Variants in CSMD3 observed in about 807,000 individuals in gnomAD.
The protein encoded by CSMD3 is CUB and Sushi multiple domains 3, also known as CUB and sushi domain-containing protein 3.
A neutral mutation model predicts 435.2 loss-of-function variants in CSMD3; 177 were observed. That is an observed-to-expected ratio of 0.41 (90% confidence interval 0.36 to 0.46). The LOEUF (loss-of-function observed/expected upper bound fraction) is 0.46. Among genes scored for constraint, CSMD3 ranks in the 20% least tolerant of loss-of-function variants. The pLI, the probability that CSMD3 is intolerant of heterozygous loss-of-function variation, is 0.34. For synonymous variants in CSMD3, 1,656 were observed against 1,520.5 expected, an observed-to-expected ratio of 1.09 and a Z score of -2.07; for missense variants, 4,265 against 4,504.6, an observed-to-expected ratio of 0.95 and a Z score of 1.52.
chr8:113,201,691 C>T (rs2092717560), intron 3 of CSMD3, among the ~76,000 whole-genome samples: 1 of 151,934 alleles, frequency 6.6e-6, no homozygotes, highest in Non-Finnish European at 1.5e-5. Context: ...TGTGCAGAGA[C>T]AGCATGTGAC....
rs548816995 is a variant in CSMD3 at position 112,757,351 on chromosome 8, T to C, written c.1972+42811A>G. ...TTGTTACTTCAAGTGCAAATAATTATTGTGACGATGTTATATGTGCATATA... is the reference window on the plus strand; with the variant it reads ...TTGTTACTTCAAGTGCAAATAATTACTGTGACGATGTTATATGTGCATATA... On this transcript the variant is annotated intron_variant, in intron 13 of 70. Coordinates refer to ENST00000297405, the MANE Select transcript of CSMD3 (RefSeq NM_198123.2). 2.0e-5 allele frequency among the ~76,000 whole-genome samples: 3 copies of C among 152,148 alleles called. No individual in the cohort carries two copies. In the South Asian group the frequency reaches 6.2e-4, roughly 32 times the overall value.
chr8:112,302,290 A>G (rs1185286181), intron 52 of CSMD3, among the ~76,000 whole-genome samples: 1 of 151,214 alleles, frequency 6.6e-6, no homozygotes, highest in African/African-American at 2.4e-5. Flanking sequence ...TAAAGAGATG[A>G]TAATTCATTA....
chr8:112,552,665 G>C lies in CSMD3; in HGVS notation c.4290C>G (p.Gly1430=). The change falls in exon 26 of 71, where the codon GGC becomes GGG. Residue 1430 remains glycine (G), a synonymous_variant. Transcript: ENST00000297405. ...GGTTATTGTCATATGGAAAAGGATAGCCAGGAGATAAGATTCTTCCTGATG... is the reference window on the plus strand; with the variant it reads ...GGTTATTGTCATATGGAAAAGGATACCCAGGAGATAAGATTCTTCCTGATG... The part of the protein sequence containing the change: ...GESSGRILSP[G]YPFPYDNNLR... 1.9e-6 allele frequency: 3 copies of C among 1,611,272 alleles called. No individual in the cohort carries two copies. Among genetic ancestry groups the C allele is most frequent in the Non-Finnish European group, 2.5e-6 (3 of 1,177,978 alleles).
intron 1 of CSMD3, among the ~76,000 whole-genome samples, chr8:113,393,580 A>G (rs1463280665): frequency 1.3e-5 from 2 of 152,146 alleles, no homozygotes; most frequent in African/African-American, 4.8e-5. Flanking sequence ...TGCTACTAAC[A>G]AATCACCAAT....
At chr8:112,833,962 A>T (rs1197208422) in intron 11 of CSMD3, among the ~76,000 whole-genome samples, 1 of 151,984 alleles carries the variant, frequency 6.6e-6, no homozygotes, top group East Asian at 1.9e-4. Flanking sequence ...TAAAAGTCTA[A>T]TAGGCTAGTG....
At chr8:113,214,190 C>T (rs1244799628) in intron 3 of CSMD3, among the ~76,000 whole-genome samples, 1 of 151,858 alleles carries the variant, frequency 6.6e-6, no homozygotes, top group Non-Finnish European at 1.5e-5. Context: ...TCATGTGTTG[C>T]TATGTCATTG....
chr8:112,824,577 G>A (rs1414944081), intron 12 of CSMD3, among the ~76,000 whole-genome samples: 1 of 152,026 alleles, frequency 6.6e-6, no homozygotes, highest in Non-Finnish European at 1.5e-5. Flanking sequence ...TAGTTTGGCT[G>A]GAAATAAAAT....
intron 10 of CSMD3, among the ~76,000 whole-genome samples, chr8:112,895,221 A>G (rs980239174): frequency 2.0e-5 from 3 of 151,350 alleles, no homozygotes; most frequent in Non-Finnish European, 4.4e-5. Flanking sequence ...TATATAAGCT[A>G]TATATATATT....
At chr8:112,435,206 A>T (rs914676645) in intron 32 of CSMD3, among the ~76,000 whole-genome samples, 2 of 152,096 alleles carry the variant, frequency 1.3e-5, no homozygotes, top group African/African-American at 4.8e-5. Context: ...ATTTTTCTTG[A>T]AAATAGAGAA....
At chr8:112,913,802 T>G (rs112333260) in intron 10 of CSMD3, among the ~76,000 whole-genome samples, 5,118 of 152,012 alleles carry the variant, frequency 0.034, 148 homozygotes, top group Middle Eastern at 0.051. Flanking sequence ...CTGTCTTTCT[T>G]TCTGTCCTTT....
chr8:112,989,114 G>C (rs1178095719), intron 6 of CSMD3, among the ~76,000 whole-genome samples: 2 of 151,946 alleles, frequency 1.3e-5, no homozygotes, highest in African/African-American at 2.4e-5. Context: ...TGTTTCCTAA[G>C]AAATATTACA....
At chr8:113,249,224 A>G (rs762347455) in intron 3 of CSMD3, among the ~76,000 whole-genome samples, 1 of 152,072 alleles carries the variant, frequency 6.6e-6, no homozygotes, top group African/African-American at 2.4e-5. Flanking sequence ...TGGAACTGTG[A>G]GTCAATTTTC....
chr8:112,966,366 A>T (rs760587243), intron 7 of CSMD3, among the ~76,000 whole-genome samples: 2 of 151,670 alleles, frequency 1.3e-5, no homozygotes, highest in Non-Finnish European at 3.0e-5. Flanking sequence ...TTCACCATAT[A>T]TATAAAATAA....
chr8:113,419,157 C>A (rs1468083782), intron 1 of CSMD3, among the ~76,000 whole-genome samples: 1 of 143,576 alleles, frequency 7.0e-6, no homozygotes, highest in Non-Finnish European at 1.5e-5. Context: ...GTCTCACTGT[C>A]GCCAAGGCTG....
intron 13 of CSMD3, among the ~76,000 whole-genome samples, chr8:112,705,171 C>T (rs895946010): frequency 2.6e-4 from 40 of 152,072 alleles, no homozygotes; most frequent in African/African-American, 9.4e-4. Flanking sequence ...TTGAGAACAG[C>T]AGATACGAAC....
intron 12 of CSMD3, among the ~76,000 whole-genome samples, chr8:112,818,121 T>C (rs190626401): frequency 1.5e-4 from 23 of 152,106 alleles, no homozygotes; most frequent in Admixed American, 5.9e-4. Flanking sequence ...GAATAAGTAA[T>C]TGATTTTACC....
chr8:112,287,434 T>G (rs942434834), intron 57 of CSMD3, among the ~76,000 whole-genome samples, 188 bp from the exon 58 acceptor site: 1 of 151,924 alleles, frequency 6.6e-6, no homozygotes, highest in Non-Finnish European at 1.5e-5. Context: ...AAAAAGAAAA[T>G]AGTTGCAGAG....
At chr8:113,032,356 G>A (rs887239538) in intron 5 of CSMD3, among the ~76,000 whole-genome samples, 1 of 151,472 alleles carries the variant, frequency 6.6e-6, no homozygotes, top group Non-Finnish European at 1.5e-5. Flanking sequence ...AGGTTGAGGT[G>A]GTCTCAGATG....
chr8:113,157,488 T>C (rs2091956899), intron 4 of CSMD3, among the ~76,000 whole-genome samples: 2 of 133,358 alleles, frequency 1.5e-5, no homozygotes, highest in South Asian at 4.5e-4. Context: ...AATACTTCTG[T>C]GTGCTACAAT....
Sources: allele counts gnomAD v4.1 joint callset (sites outside exome capture counted in the v4.1 genomes callset), GRCh38; gene constraint gnomAD v4.1.1; transcripts MANE v1.5; gene names NCBI Gene and HGNC (gene_info 2026-07-23, HGNC 2026-07-21).